CSMD1: variants seen among roughly 807,000 people sequenced by gnomAD.
CSMD1 encodes the protein CUB and sushi domain-containing protein 1.
Under a neutral mutation model 417.5 loss-of-function variants are expected in CSMD1, and 213 were observed. That is an observed-to-expected ratio of 0.51 (90% CI 0.46 to 0.57). CSMD1 has a LOEUF of 0.57. Among genes scored for constraint, CSMD1 ranks in the 20% least tolerant of loss-of-function variants. CSMD1 has a pLI of 0.00. For synonymous variants in CSMD1, 2,862 were observed against 1,736.8 expected (o/e 1.65, Z -16.11); for missense variants, 6,923 against 4,529.7 (o/e 1.53, Z -15.17).
intron 5 of CSMD1, among the ~76,000 whole-genome samples, chr8:3,898,453 G>C (rs1309955891): frequency 4.6e-5 from 7 of 152,190 alleles, no homozygotes. Context: ...CAAGTAAGTT[G>C]AATAATATTA....
intron 7 of CSMD1, among the ~76,000 whole-genome samples, chr8:3,705,129 G>C (rs1176780393): frequency 6.6e-6 from 1 of 152,206 alleles, no homozygotes; most frequent in Admixed American, 6.5e-5. Context: ...GCAAAAGGGT[G>C]AATCTGGGGA....
At chr8:4,447,760 G>A (rs946000685) in intron 2 of CSMD1, among the ~76,000 whole-genome samples, 1 of 152,154 alleles carries the variant, frequency 6.6e-6, no homozygotes, top group African/African-American at 2.4e-5. Context: ...CTCTTTTGCA[G>A]TTATGTATCA....
intron 2 of CSMD1, among the ~76,000 whole-genome samples, chr8:4,593,412 A>C (rs1019435783): frequency 4.6e-5 from 7 of 152,204 alleles, no homozygotes; most frequent in African/African-American, 1.7e-4. Flanking sequence ...TTTTTGGCAT[A>C]ATGTTTCATT....
chr8:3,692,649 T>A (rs1800315917), intron 7 of CSMD1, among the ~76,000 whole-genome samples: 1 of 152,050 alleles, frequency 6.6e-6, no homozygotes, highest in South Asian at 2.1e-4. Context: ...GTCAGGCTGG[T>A]CTCGAACCCC....
At chr8:4,758,210 C>G (rs1433277534) in intron 1 of CSMD1, among the ~76,000 whole-genome samples, 2 of 152,108 alleles carry the variant, frequency 1.3e-5, no homozygotes, top group African/African-American at 4.8e-5. Context: ...GGCTCTGATG[C>G]TGTTCCTGTC....
In CSMD1 at chr8:3,009,820, C is replaced by G. The variant is rs184787788; in HGVS notation, c.8029+8657G>C. On this transcript the variant is annotated intron_variant, in intron 52 of 69. Coordinates refer to ENST00000635120, the MANE Select transcript of CSMD1 (RefSeq NM_033225.6). ...GTTTGTGACAGCATCAAACACGGGC[C>G]CGAGTCCTCTGCCACAAATCCATTT... Among the ~76,000 whole-genome samples, 284 of 152,256 alleles carry G rather than the reference C, an allele frequency of 1.9e-3. 1 individual carries two copies. The highest frequency in any genetic ancestry group is 7.1e-3 in the South Asian group (34 of 4,822).
rs192182338 is a variant in CSMD1 at position 4,395,769 on chromosome 8, C to A, written c.415+24184G>T. 1.0e-3 allele frequency among the ~76,000 whole-genome samples: 159 copies of A among 151,702 alleles called. No individual in the cohort carries two copies. In the East Asian group the frequency reaches 0.014, roughly 13 times the overall value. On this transcript the variant is annotated intron_variant, in intron 3 of 69. Transcript: ENST00000635120. ...GTGTAAGCATTTGTAAAAAAAAATG[C>A]TAAGTGGAAGAAGAGAATACAATTC...
intron 1 of CSMD1, among the ~76,000 whole-genome samples, chr8:4,755,012 C>G (rs2117066820): frequency 6.6e-6 from 1 of 152,150 alleles, no homozygotes; most frequent in South Asian, 2.1e-4. Context: ...GTGGCATGTG[C>G]CTGTGATCCC....
intron 3 of CSMD1, among the ~76,000 whole-genome samples, chr8:4,057,158 T>C (rs548393928): frequency 6.6e-6 from 1 of 152,124 alleles, no homozygotes; most frequent in East Asian, 1.9e-4. Context: ...ACCAACAGTG[T>C]AGTGTTCCTA....
At chr8:3,543,006 C>G (rs949898614) in intron 10 of CSMD1, among the ~76,000 whole-genome samples, 1 of 152,106 alleles carries the variant, frequency 6.6e-6, no homozygotes, top group African/African-American at 2.4e-5. Context: ...GAGTAAAATC[C>G]CACTTCATGG....
chr8:4,085,141 G>C (rs1185051217), intron 3 of CSMD1, among the ~76,000 whole-genome samples: 2 of 152,152 alleles, frequency 1.3e-5, no homozygotes, highest in East Asian at 3.9e-4. Flanking sequence ...GATGTCACCG[G>C]CCTTGAAGGC....
chr8:4,835,165 G>A (rs1415804527), intron 1 of CSMD1, among the ~76,000 whole-genome samples: 1 of 151,882 alleles, frequency 6.6e-6, no homozygotes, highest in Non-Finnish European at 1.5e-5. Context: ...ACCCGAGAAG[G>A]TTGGAAATGA....
intron 7 of CSMD1, among the ~76,000 whole-genome samples, chr8:3,651,988 C>G (rs1023141459): frequency 1.3e-5 from 2 of 149,742 alleles, no homozygotes; most frequent in Admixed American, 6.7e-5. Context: ...CTACCAACAT[C>G]ATTACACATA....
rs149258805 is a variant in CSMD1, at chr8:3,906,138, G to A, written c.818+91765C>T. 5.8e-3 allele frequency among the ~76,000 whole-genome samples: 884 copies of A among 152,262 alleles called. 7 individuals are homozygous for A. The highest frequency in any genetic ancestry group is 0.01 in the Non-Finnish European group (692 of 68,018). On this transcript the variant is annotated intron_variant, in intron 5 of 69. Coordinates refer to ENST00000635120, the MANE Select transcript of CSMD1 (RefSeq NM_033225.6). ...CTGTGGGAATTCCTTCCACCCCACA[G>A]TGTACCAGGTAAGCATCATACTACC...
At chr8:3,467,084 T>G (rs1230026072) in intron 12 of CSMD1, among the ~76,000 whole-genome samples, 1 of 152,216 alleles carries the variant, frequency 6.6e-6, no homozygotes, top group South Asian at 2.1e-4. Flanking sequence ...CTACTGAGAC[T>G]CTTACCACAG....
chr8:4,793,597 GCT>G (rs1043776952), intron 1 of CSMD1, among the ~76,000 whole-genome samples: 5 of 151,700 alleles, frequency 3.3e-5, no homozygotes, highest in Non-Finnish European at 5.9e-5. Flanking sequence ...TTGAGGCATT[GCT>G]CACTATCATA....
chr8:4,569,791 ATTTG>A (rs1798795094), intron 2 of CSMD1, among the ~76,000 whole-genome samples: 1 of 152,244 alleles, frequency 6.6e-6, no homozygotes, highest in South Asian at 2.1e-4. Flanking sequence ...TTTTCTTTCC[ATTTG>A]TTTGTGTCCT....
chr8:4,818,657 AGGGCAAAG>A (rs1799346053), intron 1 of CSMD1, among the ~76,000 whole-genome samples: 1 of 152,232 alleles, frequency 6.6e-6, no homozygotes, highest in Admixed American at 6.5e-5. Flanking sequence ...CTTTAGAGAA[AGGGCAAAG>A]GTATGAATAA....
intron 3 of CSMD1, among the ~76,000 whole-genome samples, chr8:4,083,150 A>C (rs568809567): frequency 1.3e-5 from 2 of 152,144 alleles, no homozygotes; most frequent in Non-Finnish European, 2.9e-5. Flanking sequence ...TGGCTGGGTC[A>C]AATGGTATTT....
Sources: gnomAD v4.1 joint callset for allele counts (sites outside exome capture counted in the v4.1 genomes callset) on GRCh38, gnomAD v4.1.1 for gene constraint, MANE v1.5 for transcripts, NCBI Gene and HGNC (gene_info 2026-07-23, HGNC 2026-07-21) for gene names.